NOS1AP: variants seen among roughly 807,000 people sequenced by gnomAD.
The protein encoded by NOS1AP is nitric oxide synthase 1 adaptor protein.
NOS1AP carries 21 observed loss-of-function variants against 56.2 expected under a neutral mutation model. The observed-to-expected ratio is 0.37, with a 90% confidence interval of 0.26 to 0.54. The LOEUF (loss-of-function observed/expected upper bound fraction) is 0.54, where lower values mean the gene tolerates loss of function less well. NOS1AP is among the 20% of genes least tolerant of loss of function. NOS1AP has a pLI of 0.84. For synonymous variants in NOS1AP, 270 were observed against 274.6 expected (o/e 0.98, Z 0.17); for missense variants, 522 against 657.8 (o/e 0.79, Z 2.26).
At chr1:162,256,364 T>G (rs1187160355) in intron 2 of NOS1AP, among the ~76,000 whole-genome samples, 2 of 152,206 alleles carry the variant, frequency 1.3e-5, no homozygotes, top group Non-Finnish European at 2.9e-5. Context: ...CTGAACTTAA[T>G]CTTCTAATGG....
chr1:162,217,722 A>C (rs7416392), intron 2 of NOS1AP, among the ~76,000 whole-genome samples: 88,222 of 151,912 alleles, frequency 0.58, 26,420 homozygotes, highest in Non-Finnish European at 0.68. Flanking sequence ...CATAATTAAA[A>C]CCACATATAC....
chr1:162,252,836 G>T lies in NOS1AP; in HGVS notation c.178-34508G>T, dbSNP rs536565116. Among the ~76,000 whole-genome samples, 24 of 152,190 alleles carry T rather than the reference G, an allele frequency of 1.6e-4. No individual in the cohort carries two copies. In the South Asian group the frequency reaches 5.0e-3, roughly 32 times the overall value. On this transcript the variant is annotated intron_variant, in intron 2 of 9. Coordinates refer to ENST00000361897, the MANE Select transcript of NOS1AP (RefSeq NM_014697.3). Reference sequence around the variant, plus strand: ...AAAAATAAAATTCAGTTTTTTGGTTGCACTTGCCCCATTTCAAGTGCCCAG... The same window carrying T: ...AAAAATAAAATTCAGTTTTTTGGTTTCACTTGCCCCATTTCAAGTGCCCAG...
intron 2 of NOS1AP, among the ~76,000 whole-genome samples, chr1:162,155,287 TAC>T (rs1326968102): frequency 5.7e-5 from 8 of 139,318 alleles, no homozygotes; most frequent in South Asian, 2.3e-4. Context: ...TACACATATA[TAC>T]ATATATATGT....
intron 1 of NOS1AP, among the ~76,000 whole-genome samples, chr1:162,113,492 T>C (rs756515699): frequency 6.6e-6 from 1 of 152,152 alleles, no homozygotes; most frequent in African/African-American, 2.4e-5. Context: ...AGAGGTTTAA[T>C]TGGCTCATGA....
At chr1:162,326,627 G>A (rs899281799) in intron 4 of NOS1AP, among the ~76,000 whole-genome samples, 1 of 152,180 alleles carries the variant, frequency 6.6e-6, no homozygotes, top group Non-Finnish European at 1.5e-5. Context: ...TATGGTTCCA[G>A]TCTGAGTCTG....
At chr1:162,284,808 A>G (rs571967491) in intron 2 of NOS1AP, among the ~76,000 whole-genome samples, 12 of 152,346 alleles carry the variant, frequency 7.9e-5, no homozygotes, top group African/African-American at 2.6e-4. Flanking sequence ...GCCTCTTGCT[A>G]TGCTCGGGTA....
At chr1:162,230,619 G>A (rs998505564) in intron 2 of NOS1AP, among the ~76,000 whole-genome samples, 4 of 152,234 alleles carry the variant, frequency 2.6e-5, no homozygotes, top group Non-Finnish European at 5.9e-5. Flanking sequence ...TTGCAGATCT[G>A]AAACTCTACA....
chr1:162,101,907 C>T (rs769755174), intron 1 of NOS1AP, among the ~76,000 whole-genome samples: 1 of 152,188 alleles, frequency 6.6e-6, no homozygotes, highest in Non-Finnish European at 1.5e-5. Flanking sequence ...TTGACTTCCT[C>T]TCTTCCTATT....
At chr1:162,082,858 T>C (rs1691924190) in intron 1 of NOS1AP, among the ~76,000 whole-genome samples, 1 of 152,116 alleles carries the variant, frequency 6.6e-6, no homozygotes, top group Non-Finnish European at 1.5e-5. Context: ...CCACGCACAA[T>C]GGAAAAGCTC....
chr1:162,115,418 G>T (rs1211046915), intron 1 of NOS1AP, among the ~76,000 whole-genome samples: 2 of 151,448 alleles, frequency 1.3e-5, no homozygotes, highest in Non-Finnish European at 2.9e-5. Flanking sequence ...TTTAAAGAAG[G>T]TAAGAATCTG....
In NOS1AP at chr1:162,358,403, T is replaced by G. The variant is rs1166051552; in HGVS notation, c.939+1267T>G. Reference sequence around the variant, plus strand: ...CTTTTGCAGCCAGGTTTCAGGAGAGTAGAGTCAATGGGACACAGCTCTCAA... The same window carrying G: ...CTTTTGCAGCCAGGTTTCAGGAGAGGAGAGTCAATGGGACACAGCTCTCAA... On this transcript the variant is annotated intron_variant, in intron 8 of 9. Transcript: ENST00000361897. 5.3e-5 allele frequency among the ~76,000 whole-genome samples: 8 copies of G among 151,978 alleles called. No homozygotes were observed. The South Asian group carries it at 1.7e-3, about 32-fold the overall frequency.
chr1:162,249,699 A>T (rs975835978), intron 2 of NOS1AP, among the ~76,000 whole-genome samples: 3 of 152,222 alleles, frequency 2.0e-5, no homozygotes, highest in Admixed American at 6.5e-5. Flanking sequence ...GAAATTTGGG[A>T]TACAATCATG....
intron 3 of NOS1AP, among the ~76,000 whole-genome samples, chr1:162,295,570 G>A (rs1655430449): frequency 6.6e-6 from 1 of 152,116 alleles, no homozygotes; most frequent in South Asian, 2.1e-4. Context: ...AGAAAAGTGA[G>A]GAGGAGCTGG....
At chr1:162,356,418 G>C (rs867878264) in intron 7 of NOS1AP, among the ~76,000 whole-genome samples, 1 of 152,220 alleles carries the variant, frequency 6.6e-6, no homozygotes, top group Non-Finnish European at 1.5e-5. Flanking sequence ...GTTCTCACCA[G>C]AGGCAGTGGA....
intron 1 of NOS1AP, among the ~76,000 whole-genome samples, chr1:162,101,344 G>A (rs1456376140): frequency 6.6e-6 from 1 of 152,134 alleles, no homozygotes; most frequent in African/African-American, 2.4e-5. Context: ...CTGGAGCCTT[G>A]TAGTATAGTT....
intron 2 of NOS1AP, among the ~76,000 whole-genome samples, chr1:162,248,464 A>T (rs1310169701): frequency 6.6e-6 from 1 of 152,220 alleles, no homozygotes; most frequent in African/African-American, 2.4e-5. Flanking sequence ...TCATTAGATT[A>T]AAAAATCAAC....
At chr1:162,366,097 A>G (rs1237008567) in intron 9 of NOS1AP, among the ~76,000 whole-genome samples, 1 of 152,164 alleles carries the variant, frequency 6.6e-6, no homozygotes, top group Middle Eastern at 3.2e-3. Context: ...CTGCTGGGCA[A>G]TAGCAGAGGT....
At chr1:162,308,035 A>G (rs1655896257) in intron 4 of NOS1AP, among the ~76,000 whole-genome samples, 1 of 152,250 alleles carries the variant, frequency 6.6e-6, no homozygotes, top group South Asian at 2.1e-4. Flanking sequence ...GAAACCAGGC[A>G]GTGATTTAAA....
At chr1:162,079,693 C>T (rs757990229) in intron 1 of NOS1AP, among the ~76,000 whole-genome samples, 10 of 152,194 alleles carry the variant, frequency 6.6e-5, no homozygotes, top group Admixed American at 6.5e-5. Flanking sequence ...ACAGAGTTGG[C>T]TGCTGTTTTT....
Sources: gnomAD v4.1 joint callset for allele counts (sites outside exome capture counted in the v4.1 genomes callset) on GRCh38, gnomAD v4.1.1 for gene constraint, MANE v1.5 for transcripts, NCBI Gene and HGNC (gene_info 2026-07-23, HGNC 2026-07-21) for gene names.